PRXL2A: variants seen among roughly 807,000 people sequenced by gnomAD.
The protein encoded by PRXL2A is peroxiredoxin like 2A.
In PRXL2A, 26 loss-of-function variants were observed where a neutral mutation model predicts 25.6. The ratio of observed to expected loss-of-function variants is 1.02; its 90% CI spans 0.74 to 1.41. The LOEUF (loss-of-function observed/expected upper bound fraction) is 1.41. PRXL2A is among the 40% of genes most tolerant of loss of function. PRXL2A has a pLI of 0.00. For synonymous variants in PRXL2A, 98 were observed against 102.9 expected (o/e 0.95, Z 0.29); for missense variants, 246 against 273.9 (o/e 0.90, Z 0.72).
intron 1 of PRXL2A, among the ~76,000 whole-genome samples, chr10:80,413,646 A>G (rs1418977659): frequency 6.6e-6 from 1 of 152,118 alleles, no homozygotes; most frequent in Non-Finnish European, 1.5e-5. Context: ...CAACTTTTTG[A>G]AGGGCTAGGG....
intron 1 of PRXL2A, among the ~76,000 whole-genome samples, chr10:80,413,059 T>C (rs899176688): frequency 6.6e-6 from 1 of 152,080 alleles, no homozygotes; most frequent in African/African-American, 2.4e-5. Flanking sequence ...TTTTAGAAGA[T>C]GGACAGAACT....
Position 80,425,974 on chromosome 10 carries a change from T to C in PRXL2A, c.379T>C (p.Tyr127His). ...GACTGAAGTGAAGGATTTCCAGCCT[T>C]ATTTCAAAGGAGAAATCTTCCTGGA... ...IRTEVKDFQP[Y>H]FKGEIFLDEK... Residue 127 changes from tyrosine to histidine, a missense_variant, in exon 4 of 6, where the codon TAT becomes CAT. Coordinates refer to ENST00000606162, the MANE Select transcript of PRXL2A (RefSeq NM_032333.5). 1 of 1,614,230 alleles carries C rather than the reference T, an allele frequency of 6.2e-7. No individual in the cohort carries two copies. Among genetic ancestry groups the C allele is most frequent in the Non-Finnish European group, 8.5e-7 (1 of 1,180,036 alleles).
chr10:80,427,250 A>G (rs961395809), intron 4 of PRXL2A, 82 bp from the exon 5 acceptor site: 5 of 1,263,510 alleles, frequency 4.0e-6, no homozygotes, highest in Non-Finnish European at 5.6e-6. Context: ...CTGAGAACCA[A>G]TGCCCCGTCA....
chr10:80,419,965 A>G, intron 1 of PRXL2A: 1 of 985,432 alleles, frequency 1.0e-6, no homozygotes, highest in Non-Finnish European at 1.2e-6. Context: ...AGGAAAGAAG[A>G]TAGGGGAACA....
At chr10:80,427,189 G>A (rs1332688031) in intron 4 of PRXL2A, 143 bp from the exon 5 acceptor site, 1 of 619,994 alleles carries the variant, frequency 1.6e-6, no homozygotes, top group African/African-American at 1.9e-5. Flanking sequence ...GGCAGTGTGT[G>A]TGTGTTGGGT....
chr10:80,427,221 C>G, intron 4 of PRXL2A, 111 bp from the exon 5 acceptor site: 1 of 829,168 alleles, frequency 1.2e-6, no homozygotes, highest in Non-Finnish European at 1.9e-6. Flanking sequence ...CTGGAACCAG[C>G]AGCCTTTTGA....
intron 1 of PRXL2A, among the ~76,000 whole-genome samples, chr10:80,416,741 T>A (rs1020748477): frequency 2.0e-5 from 3 of 152,216 alleles, no homozygotes; most frequent in Admixed American, 6.5e-5. Context: ...AATTCTTTGC[T>A]CTAACACAAT....
chr10:80,409,574 G>A (rs1481019954), intron 1 of PRXL2A, among the ~76,000 whole-genome samples: 1 of 152,164 alleles, frequency 6.6e-6, no homozygotes, highest in Non-Finnish European at 1.5e-5. Flanking sequence ...GATTTGTTTT[G>A]AAAAGCATTG....
At position 80,433,091 on chromosome 10, in the gene PRXL2A, G is replaced by A. The variant is rs751994008; in HGVS notation, c.*992G>A. On this transcript the variant is annotated 3_prime_UTR_variant, in exon 6 of 6. Coordinates refer to ENST00000606162, the MANE Select transcript of PRXL2A (RefSeq NM_032333.5). Reference sequence around the variant, plus strand: ...AAAGTCAGCATTCTCCATGGCTGAGGGGTAAAGTGCCTCGGGGGATTCCTC... The same window carrying A: ...AAAGTCAGCATTCTCCATGGCTGAGAGGTAAAGTGCCTCGGGGGATTCCTC... The A allele has an allele frequency of 1.3e-5, 2 of 152,138 alleles. No individual in the cohort carries two copies. The highest frequency in any genetic ancestry group is 2.9e-5 in the Non-Finnish European group (2 of 68,032). The allele number at this position is 152,138 out of a possible 1,614,324, so 9.4% of individuals were successfully genotyped here.
At chr10:80,415,896 A>G (rs1844643753) in intron 1 of PRXL2A, among the ~76,000 whole-genome samples, 1 of 152,168 alleles carries the variant, frequency 6.6e-6, no homozygotes, top group African/African-American at 2.4e-5. Context: ...GACTTTGTGA[A>G]TGCACTGATG....
chr10:80,417,746 CTTTTTTTTTTTGTTT>C (rs1328279999), intron 1 of PRXL2A, among the ~76,000 whole-genome samples: 20 of 119,324 alleles, frequency 1.7e-4, no homozygotes, highest in African/African-American at 6.4e-4. Context: ...TCTTCTTCAT[CTTTTTTTTTTTGTTT>C]TTTTTTTTTT....
intron 1 of PRXL2A, among the ~76,000 whole-genome samples, chr10:80,409,291 T>G (rs1295797959): frequency 6.6e-6 from 1 of 152,192 alleles, no homozygotes; most frequent in Non-Finnish European, 1.5e-5. Context: ...CCCCCAGGGT[T>G]GTTGCTGGAG....
At chr10:80,416,073 G>A (rs1844652010) in intron 1 of PRXL2A, among the ~76,000 whole-genome samples, 1 of 152,242 alleles carries the variant, frequency 6.6e-6, no homozygotes, top group African/African-American at 2.4e-5. Flanking sequence ...AGGTACAGAA[G>A]TTGTTCCAGG....
chr10:80,431,104 G>C (rs1426047792), intron 5 of PRXL2A, among the ~76,000 whole-genome samples: 1 of 152,076 alleles, frequency 6.6e-6, no homozygotes, highest in Non-Finnish European at 1.5e-5. Flanking sequence ...CACCGTGTTG[G>C]CCAGGCTGGT....
chr10:80,421,724 A>G (rs1844871974), intron 2 of PRXL2A, among the ~76,000 whole-genome samples: 2 of 151,978 alleles, frequency 1.3e-5, no homozygotes. Flanking sequence ...TTAAGGGCTC[A>G]TATTTATTGA....
chr10:80,424,355 G>T (rs1844964117), intron 3 of PRXL2A, among the ~76,000 whole-genome samples: 1 of 129,406 alleles, frequency 7.7e-6, no homozygotes, highest in Non-Finnish European at 1.5e-5. Flanking sequence ...GATCACTTGA[G>T]CCCAGGAATT....
chr10:80,422,562 A>G (rs1228674627), intron 3 of PRXL2A, 54 bp downstream of exon 3: 3 of 1,452,660 alleles, frequency 2.1e-6, no homozygotes, highest in African/African-American at 2.8e-5. Flanking sequence ...AGTAGGGGCC[A>G]TTGTTTTCCG....
chr10:80,413,940 G>T, intron 1 of PRXL2A: 2 of 1,062,816 alleles, frequency 1.9e-6, no homozygotes, highest in Non-Finnish European at 2.4e-6. Context: ...TTTGAGGAAG[G>T]GAGTTGCCTT....
Position 80,420,133 on chromosome 10 carries a change from G to A in PRXL2A, c.-2-333G>A, listed in dbSNP as rs1017895582. ...AGTCTGCCTACAGGGGACATAGCTC[G>A]GCACAGCTCCACAGAGCTAGGGGCT... On this transcript the variant is annotated intron_variant, in intron 1 of 5. Coordinates refer to ENST00000606162, the MANE Select transcript of PRXL2A (RefSeq NM_032333.5). 18 of 1,003,958 alleles carry A rather than the reference G, an allele frequency of 1.8e-5. No homozygotes were observed. In the Admixed American group the frequency reaches 2.4e-4, roughly 13 times the overall value. 62.2% of individuals were successfully genotyped at this position (1,003,958 alleles called of 1,614,324 possible). A position where few individuals can be genotyped will look rare whatever the true frequency, so the allele number is the denominator to read the frequency against.
Sources: gnomAD v4.1 joint callset for allele counts (sites outside exome capture counted in the v4.1 genomes callset) on GRCh38, gnomAD v4.1.1 for gene constraint, MANE v1.5 for transcripts, NCBI Gene and HGNC (gene_info 2026-07-23, HGNC 2026-07-21) for gene names.